UBAP2: variants seen among roughly 807,000 people sequenced by gnomAD.
UBAP2 encodes ubiquitin associated protein 2, also known as ubiquitin-associated protein 2.
A neutral mutation model predicts 139.6 loss-of-function variants in UBAP2; 75 were observed. The observed-to-expected ratio is 0.54, with a 90% CI of 0.45 to 0.65. The LOEUF (loss-of-function observed/expected upper bound fraction) is 0.65. Ranked by LOEUF, UBAP2 falls within the 30% of genes least tolerant of loss-of-function variation. The probability of loss-of-function intolerance (pLI) is 0.00; values close to 1 mark genes in which losing one functional copy is unlikely to be tolerated. For missense variants in UBAP2, 1,368 were observed against 1,369.6 expected (o/e 1.00, Z 0.02); for synonymous variants, 526 against 526.2 (o/e 1.00, Z 0.01).
At chr9:33,969,374 T>C (rs1827719676) in intron 8 of UBAP2, among the ~76,000 whole-genome samples, 1 of 152,006 alleles carries the variant, frequency 6.6e-6, no homozygotes, top group African/African-American at 2.4e-5. Context: ...ATGCAAAATC[T>C]TATCTCTACA....
chr9:33,949,704 CATGT>C (rs1825939888), intron 12 of UBAP2, among the ~76,000 whole-genome samples: 1 of 151,990 alleles, frequency 6.6e-6, no homozygotes, highest in African/African-American at 2.4e-5. Context: ...ACTCGTCTCT[CATGT>C]GTGTGTGCGC....
intron 11 of UBAP2, among the ~76,000 whole-genome samples, chr9:33,954,267 T>TACACACACACACACAC (rs368965909): frequency 0.011 from 1,085 of 101,622 alleles, 6 homozygotes; most frequent in East Asian, 0.044. Context: ...AGTGTGTGTA[T>TACACACACACACACAC]ATACACACAC....
intron 10 of UBAP2, among the ~76,000 whole-genome samples, chr9:33,957,981 C>T (rs1210172045): frequency 3.3e-5 from 5 of 152,062 alleles, no homozygotes; most frequent in East Asian, 3.9e-4. Context: ...GGAGACAGAC[C>T]TTAGTCTGTC....
At chr9:33,959,422 A>G (rs534602352) in intron 10 of UBAP2, among the ~76,000 whole-genome samples, 1 of 152,304 alleles carries the variant, frequency 6.6e-6, no homozygotes, top group Middle Eastern at 3.4e-3. Flanking sequence ...GCGTCATTGT[A>G]TATAGTTTTG....
rs578132562 is a variant in UBAP2 at position 33,948,496 on chromosome 9, G to A, written c.1148C>T (p.Pro383Leu). ...GGTGGTGGTAAACTGGCCCAAACTC[G>A]GAGCTTTCAACTGGTCCAAAATCTG... The part of the protein sequence containing the change: ...SSQILDQLKA[P>L]SLGQFTTTPS... Residue 383 changes from proline to leucine, a missense_variant, in exon 13 of 29, where the codon CCG (proline) becomes CTG (leucine). Transcript: ENST00000379238. The A allele has an allele frequency of 1.5e-5, 25 of 1,614,084 alleles. No homozygotes were observed. The highest frequency in any genetic ancestry group is 1.1e-4 in the South Asian group (10 of 91,080).
intron 13 of UBAP2, among the ~76,000 whole-genome samples, chr9:33,945,827 A>G (rs191618087): frequency 6.6e-6 from 1 of 152,360 alleles, no homozygotes; most frequent in East Asian, 1.9e-4. Context: ...TAAAACCAGT[A>G]CTATATTAAT....
At chr9:33,994,161 TG>T (rs1433736667) in intron 4 of UBAP2, among the ~76,000 whole-genome samples, 1 of 152,172 alleles carries the variant, frequency 6.6e-6, no homozygotes, top group Non-Finnish European at 1.5e-5. Flanking sequence ...TCCAAAGTGC[TG>T]GGATTACAGG....
chr9:34,019,485 T>G (rs1309568672), intron 1 of UBAP2, among the ~76,000 whole-genome samples: 4 of 151,736 alleles, frequency 2.6e-5, no homozygotes, highest in African/African-American at 7.3e-5. Flanking sequence ...TAGAAACAAG[T>G]AGAATGGTAG....
chr9:34,004,799 G>GA (rs1823042520), intron 2 of UBAP2, among the ~76,000 whole-genome samples: 3 of 147,024 alleles, frequency 2.0e-5, no homozygotes, highest in Non-Finnish European at 3.0e-5. Flanking sequence ...AAAAAAATAG[G>GA]GAAAAAAAAA....
chr9:33,935,949 T>A, intron 16 of UBAP2, 71 bp from the exon 17 acceptor site: 1 of 1,376,668 alleles, frequency 7.3e-7, no homozygotes, highest in Non-Finnish European at 1.0e-6. Flanking sequence ...CTTTTTATAC[T>A]TTCTACAACA....
chr9:34,014,817 T>A (rs1317893340), intron 2 of UBAP2, among the ~76,000 whole-genome samples: 1 of 150,482 alleles, frequency 6.6e-6, no homozygotes, highest in Admixed American at 6.6e-5. Context: ...AACTTTTTCC[T>A]AAGTAAATTC....
At chr9:33,957,772 C>T (rs1487908088) in intron 10 of UBAP2, among the ~76,000 whole-genome samples, 1 of 152,084 alleles carries the variant, frequency 6.6e-6, no homozygotes, top group Non-Finnish European at 1.5e-5. Flanking sequence ...CTAAATGTCT[C>T]AGAAACACTG....
chr9:34,013,640 G>A (rs1823969812), intron 2 of UBAP2, among the ~76,000 whole-genome samples: 1 of 151,988 alleles, frequency 6.6e-6, no homozygotes, highest in Non-Finnish European at 1.5e-5. Flanking sequence ...ACTCTGGGAG[G>A]CCAAGGTGGG....
intron 1 of UBAP2, among the ~76,000 whole-genome samples, chr9:34,023,186 A>T (rs1262354248): frequency 6.7e-6 from 1 of 150,192 alleles, no homozygotes; most frequent in Non-Finnish European, 1.5e-5. Flanking sequence ...AGATCGCACC[A>T]CTCCACTCCA....
chr9:33,971,759 G>T lies in UBAP2; in HGVS notation c.576-5C>A. ...TAGTCTGCAGGATTAAATGTCCTGG[G>T]GTTTGAAATAAAGAAATAATAAAGG... is the stretch of plus-strand genomic sequence containing the variant. On this transcript the variant is annotated splice_polypyrimidine_tract_variant and splice_region_variant and intron_variant, in intron 7 of 28. Transcript: ENST00000379238. The T allele has an allele frequency of 5.2e-6, 8 of 1,550,166 alleles. No individual in the cohort carries two copies. Among genetic ancestry groups the T allele is most frequent in the South Asian group, 1.1e-5 (1 of 89,688 alleles).
intron 16 of UBAP2, chr9:33,938,826 A>G: frequency 2.4e-6 from 1 of 411,408 alleles, no homozygotes; most frequent in Non-Finnish European, 4.7e-6. Flanking sequence ...TTGTCATTGA[A>G]ATTTCCATAG....
At chr9:34,043,668 A>AT (rs1008135861) in intron 1 of UBAP2, among the ~76,000 whole-genome samples, 7 of 151,254 alleles carry the variant, frequency 4.6e-5, no homozygotes, top group Admixed American at 1.3e-4. Flanking sequence ...TAATTTTTAC[A>AT]TTTTTTTTAT....
intron 10 of UBAP2, among the ~76,000 whole-genome samples, chr9:33,957,481 T>C (rs906057660): frequency 2.0e-5 from 3 of 152,204 alleles, no homozygotes; most frequent in Non-Finnish European, 4.4e-5. Flanking sequence ...CTGCATTTTC[T>C]AGAATTTTAA....
At position 33,940,764 on chromosome 9, in the gene UBAP2, G is replaced by GC. The variant is rs1387923473; in HGVS notation, c.1929+884dup. ...ACTGGACTCTAACCTGGGTGACAAA[G>GC]CAAGAACCTGTACTCCCCCAAAAAA... On this transcript the variant is annotated intron_variant, in intron 16 of 28. Transcript: ENST00000379238. Among the ~76,000 whole-genome samples, 4 of 152,220 alleles carry GC rather than the reference G, an allele frequency of 2.6e-5. No homozygotes were observed. In the East Asian group the frequency reaches 7.7e-4, roughly 29 times the overall value.
Sources: allele counts gnomAD v4.1 joint callset (sites outside exome capture counted in the v4.1 genomes callset), GRCh38; gene constraint gnomAD v4.1.1; transcripts MANE v1.5; gene names NCBI Gene and HGNC (gene_info 2026-07-23, HGNC 2026-07-21).